The following USH2A variants were observed in gnomAD, a reference collection of about 807,000 sequenced individuals.
USH2A encodes usherin, also known as Usher syndrome 2A (autosomal recessive, mild).
USH2A carries 443 observed loss-of-function variants against 538.9 expected under a neutral mutation model. The observed-to-expected ratio is 0.82, with a 90% CI of 0.76 to 0.89. The LOEUF is 0.89. Among genes scored for constraint, USH2A ranks in the 40% least tolerant of loss-of-function variants. The probability of loss-of-function intolerance (pLI) is 0.00; values close to 1 mark genes in which losing one functional copy is unlikely to be tolerated. For synonymous variants in USH2A, 2,413 were observed against 2,273.5 expected (o/e 1.06, Z -1.75); for missense variants, 6,633 against 6,324.8 (o/e 1.05, Z -1.65).
chr1:215,779,883 G>A lies in USH2A; in HGVS notation c.10899C>T (p.Ile3633=). ...YQIRQVGKGL[I]HTDTTDRRQH... Reference sequence around the variant, plus strand: ...GTCTCCTGTCAGTGGTGTCAGTGTGGATGAGACCTTTCCCAACCTGCCTGA... The same window carrying A: ...GTCTCCTGTCAGTGGTGTCAGTGTGAATGAGACCTTTCCCAACCTGCCTGA... Residue 3633 remains isoleucine (I), a synonymous_variant, in exon 55 of 72, where the codon ATC becomes ATT. Transcript: ENST00000307340. The A allele has an allele frequency of 6.2e-7, 1 of 1,614,034 alleles. No homozygotes were observed. Among genetic ancestry groups the A allele is most frequent in the East Asian group, 2.2e-5 (1 of 44,872 alleles).
At chr1:216,337,052 G>A (rs2037988276) in intron 4 of USH2A, among the ~76,000 whole-genome samples, 1 of 151,422 alleles carries the variant, frequency 6.6e-6, no homozygotes, top group South Asian at 2.1e-4. Flanking sequence ...ACAAGTAAGA[G>A]CTACCAGAAA....
At chr1:216,394,030 C>A (rs2039159817) in intron 3 of USH2A, among the ~76,000 whole-genome samples, 1 of 152,056 alleles carries the variant, frequency 6.6e-6, no homozygotes, top group Non-Finnish European at 1.5e-5. Flanking sequence ...ACATGGGAGG[C>A]AAATAAGCAC....
intron 21 of USH2A, among the ~76,000 whole-genome samples, chr1:216,103,314 T>A (rs537904530): frequency 6.6e-6 from 1 of 152,348 alleles, no homozygotes; most frequent in South Asian, 2.1e-4. Context: ...TGTATGTATG[T>A]TAGACTTCAA....
At chr1:215,718,727 C>T (rs1431636292) in intron 61 of USH2A, among the ~76,000 whole-genome samples, 1 of 70,276 alleles carries the variant, frequency 1.4e-5, no homozygotes, top group African/African-American at 4.4e-5. Flanking sequence ...GATCTCTTGG[C>T]TGTAATAGGG....
intron 38 of USH2A, among the ~76,000 whole-genome samples, chr1:215,933,100 T>C (rs1666404528): frequency 6.6e-6 from 1 of 151,906 alleles, no homozygotes. Flanking sequence ...TACCCTAAAA[T>C]AAACACGCTT....
intron 61 of USH2A, among the ~76,000 whole-genome samples, chr1:215,698,673 T>C (rs1658897941): frequency 6.6e-6 from 1 of 152,234 alleles, no homozygotes; most frequent in Non-Finnish European, 1.5e-5. Flanking sequence ...TGAGGTTATT[T>C]GTTTTTTTCT....
intron 44 of USH2A, among the ~76,000 whole-genome samples, chr1:215,853,269 C>T (rs1664068855): frequency 6.6e-6 from 1 of 152,200 alleles, no homozygotes; most frequent in Non-Finnish European, 1.5e-5. Flanking sequence ...AGCCGTGGCC[C>T]AAGCTCTACA....
At chr1:216,164,529 G>T (rs544696979) in intron 21 of USH2A, among the ~76,000 whole-genome samples, 1 of 152,120 alleles carries the variant, frequency 6.6e-6, no homozygotes, top group Non-Finnish European at 1.5e-5. Context: ...TGATTATGAA[G>T]ACAGGGGGAA....
intron 47 of USH2A, among the ~76,000 whole-genome samples, chr1:215,836,499 A>T (rs1319280695): frequency 1.7e-3 from 12 of 7,136 alleles, no homozygotes; most frequent in African/African-American, 4.3e-3. Context: ...TATATATATA[A>T]TATATATTAT....
At chr1:215,877,979 G>T (rs907859185) in intron 42 of USH2A, 99 bp from the exon 43 acceptor site, 4 of 1,497,412 alleles carry the variant, frequency 2.7e-6, no homozygotes, top group Non-Finnish European at 3.7e-6. Flanking sequence ...TGATATATGC[G>T]TGGAAGCATA....
At chr1:216,032,436 A>AGAAC (rs1247589422) in intron 32 of USH2A, among the ~76,000 whole-genome samples, 2 of 152,176 alleles carry the variant, frequency 1.3e-5, no homozygotes, top group African/African-American at 4.8e-5. Flanking sequence ...TCACAGGGTA[A>AGAAC]GAACCATGCT....
chr1:216,319,335 T>G (rs948161138), intron 9 of USH2A, among the ~76,000 whole-genome samples: 4 of 152,182 alleles, frequency 2.6e-5, no homozygotes, highest in African/African-American at 9.6e-5. Context: ...CAATTATGGC[T>G]CAGTGAAGAA....
At chr1:216,023,536 G>C (rs1012084794) in intron 32 of USH2A, among the ~76,000 whole-genome samples, 1 of 139,534 alleles carries the variant, frequency 7.2e-6, no homozygotes, top group Non-Finnish European at 1.5e-5. Context: ...TGACCTTGAG[G>C]AGAGAAAAAC....
At chr1:216,074,013 A>G (rs2031662595) in intron 27 of USH2A, among the ~76,000 whole-genome samples, 1 of 152,254 alleles carries the variant, frequency 6.6e-6, no homozygotes, top group Non-Finnish European at 1.5e-5. Context: ...CACTGTTGGC[A>G]ATAGCAACAC....
chr1:216,006,045 T>C (rs2102487765), intron 32 of USH2A, among the ~76,000 whole-genome samples: 1 of 152,270 alleles, frequency 6.6e-6, no homozygotes, highest in Non-Finnish European at 1.5e-5. Context: ...ACTTCAGCAT[T>C]GGCTCAGTTT....
intron 21 of USH2A, among the ~76,000 whole-genome samples, chr1:216,125,324 T>A (rs555850381): frequency 1.8e-4 from 28 of 152,264 alleles, no homozygotes; most frequent in African/African-American, 6.7e-4. Context: ...GACCCCTTCT[T>A]CTCCTATCAG....
At chr1:216,228,249 G>C (rs1480526174) in intron 14 of USH2A, among the ~76,000 whole-genome samples, 1 of 152,070 alleles carries the variant, frequency 6.6e-6, no homozygotes, top group Non-Finnish European at 1.5e-5. Context: ...TGCTGGAGTG[G>C]GGAATGAATG....
At chr1:215,814,730 T>G (rs1662810310) in intron 48 of USH2A, among the ~76,000 whole-genome samples, 1 of 152,156 alleles carries the variant, frequency 6.6e-6, no homozygotes, top group Non-Finnish European at 1.5e-5. Context: ...TCTGCAGAAC[T>G]GTGAGTCAAA....
intron 55 of USH2A, among the ~76,000 whole-genome samples, chr1:215,778,581 G>C (rs1661532608): frequency 6.6e-6 from 1 of 152,086 alleles, no homozygotes; most frequent in African/African-American, 2.4e-5. Flanking sequence ...TCCCTTCTTA[G>C]GAAAAATCAG....
Sources: allele counts gnomAD v4.1 joint callset (sites outside exome capture counted in the v4.1 genomes callset), GRCh38; gene constraint gnomAD v4.1.1; transcripts MANE v1.5; gene names NCBI Gene and HGNC (gene_info 2026-07-23, HGNC 2026-07-21).